The following ITGB3BP variants were observed in gnomAD, a reference collection of about 807,000 sequenced individuals.
The protein encoded by ITGB3BP is integrin subunit beta 3 binding protein.
Under a neutral mutation model 29.1 loss-of-function variants are expected in ITGB3BP, and 27 were observed. The ratio of observed to expected loss-of-function variants is 0.93; its 90% CI spans 0.68 to 1.28. ITGB3BP has a LOEUF of 1.28. Ranked by LOEUF, ITGB3BP falls within the 50% of genes most tolerant of loss-of-function variation. The pLI is 0.00. For synonymous variants in ITGB3BP, 61 were observed against 61.4 expected, an observed-to-expected ratio of 0.99 and a Z score of 0.03; for missense variants, 192 against 200.2, an observed-to-expected ratio of 0.96 and a Z score of 0.25.
At chr1:63,473,523 G>C (rs1645254456) in intron 4 of ITGB3BP, among the ~76,000 whole-genome samples, 1 of 109,734 alleles carries the variant, frequency 9.1e-6, no homozygotes, top group Non-Finnish European at 2.0e-5. Flanking sequence ...GAGGGAGGTG[G>C]GGGGTCAGCC....
intron 1 of ITGB3BP, among the ~76,000 whole-genome samples, chr1:63,509,440 T>TA (rs1226989889): frequency 3.3e-5 from 5 of 152,182 alleles, no homozygotes; most frequent in African/African-American, 9.6e-5. Flanking sequence ...ATTAAAATAT[T>TA]AAAGAATTAG....
chr1:63,517,766 G>A (rs1032620952), intron 1 of ITGB3BP, among the ~76,000 whole-genome samples: 2 of 152,080 alleles, frequency 1.3e-5, no homozygotes, highest in African/African-American at 2.4e-5. Context: ...GGTCATCCAG[G>A]CTGGAATGCA....
At chr1:63,524,958 T>C (rs1224054219), upstream of ITGB3BP, among the ~76,000 whole-genome samples, 4 of 152,182 alleles carry the variant, frequency 2.6e-5, no homozygotes, top group East Asian at 7.7e-4. Context: ...AATAAGACTT[T>C]TAAAATATAG....
chr1:63,486,310 T>C (rs1645529006), intron 3 of ITGB3BP, among the ~76,000 whole-genome samples: 3 of 151,978 alleles, frequency 2.0e-5, no homozygotes, highest in Admixed American at 6.6e-5. Context: ...CTAAAATGCA[T>C]ACAACTGACC....
At chr1:63,467,546 T>C (rs1454123939) in intron 4 of ITGB3BP, among the ~76,000 whole-genome samples, 4 of 147,498 alleles carry the variant, frequency 2.7e-5, no homozygotes, top group Middle Eastern at 3.6e-3. Flanking sequence ...GATTGATTGA[T>C]TGAATGTAGA....
chr1:63,503,389 T>C (rs1187483299), intron 2 of ITGB3BP, among the ~76,000 whole-genome samples: 3 of 151,950 alleles, frequency 2.0e-5, no homozygotes, highest in Non-Finnish European at 4.4e-5. Context: ...TTGTTTGAGT[T>C]CATTGTAGAT....
chr1:63,441,533 G>A (rs772014415), intron 8 of ITGB3BP, among the ~76,000 whole-genome samples: 1 of 152,130 alleles, frequency 6.6e-6, no homozygotes, highest in Non-Finnish European at 1.5e-5. Context: ...ACTGTGCCCG[G>A]CCTTATTTGC....
At chr1:63,497,451 A>G (rs1291481607) in intron 2 of ITGB3BP, among the ~76,000 whole-genome samples, 1 of 152,198 alleles carries the variant, frequency 6.6e-6, no homozygotes, top group Non-Finnish European at 1.5e-5. Flanking sequence ...CATAGTAGCT[A>G]AAGAGAAAGG....
At chr1:63,504,770 A>G (rs1235421685) in intron 2 of ITGB3BP, among the ~76,000 whole-genome samples, 1 of 152,020 alleles carries the variant, frequency 6.6e-6, no homozygotes, top group Non-Finnish European at 1.5e-5. Flanking sequence ...TGAGATAATC[A>G]TGTGGTTTTT....
chr1:63,444,266 T>C (rs1644761986), intron 8 of ITGB3BP, among the ~76,000 whole-genome samples: 1 of 152,060 alleles, frequency 6.6e-6, no homozygotes, highest in Non-Finnish European at 1.5e-5. Flanking sequence ...TTACAGAGAT[T>C]ATCAAACACT....
chr1:63,511,482 A>C lies in ITGB3BP; in HGVS notation c.6-2912T>G, dbSNP rs187995247. Among the ~76,000 whole-genome samples, 6 of 152,272 alleles carry C rather than the reference A, an allele frequency of 3.9e-5. No individual in the cohort carries two copies. The East Asian group carries it at 1.2e-3, about 29-fold the overall frequency. ...CTGGGACACAAACAGATATTTGTAC[A>C]CCAATGTTCACAGCAGCATTGCTCA... On this transcript the variant is annotated intron_variant, in intron 1 of 8. Coordinates refer to ENST00000271002, the MANE Select transcript of ITGB3BP (RefSeq NM_014288.5).
At chr1:63,458,245 C>G (rs1644963781) in intron 4 of ITGB3BP, 1 of 152,060 alleles carries the variant, frequency 6.6e-6, no homozygotes, top group Non-Finnish European at 1.5e-5. Flanking sequence ...TCATTCTGTA[C>G]CAGTTCTGGG....
intron 1 of ITGB3BP, among the ~76,000 whole-genome samples, chr1:63,509,851 T>G (rs1007198224): frequency 1.3e-5 from 2 of 152,322 alleles, no homozygotes; most frequent in South Asian, 2.1e-4. Flanking sequence ...GGAATACATA[T>G]TGCCCTATTT....
Position 63,510,873 on chromosome 1 carries a change from C to T in ITGB3BP, c.6-2303G>A, listed in dbSNP as rs535283386. Among the ~76,000 whole-genome samples the T allele has an allele frequency of 8.6e-5, 13 of 151,898 alleles. 1 individual carries two copies. The highest frequency in any genetic ancestry group is 4.2e-4 in the South Asian group (2 of 4,806). Reference sequence around the variant, plus strand: ...CAACCACTCTTTTACAACACAATGACGAGAATATACTAAATTGATTACTTT... The same window carrying T: ...CAACCACTCTTTTACAACACAATGATGAGAATATACTAAATTGATTACTTT... On this transcript the variant is annotated intron_variant, in intron 1 of 8. Coordinates refer to ENST00000271002, the MANE Select transcript of ITGB3BP (RefSeq NM_014288.5).
intron 2 of ITGB3BP, among the ~76,000 whole-genome samples, chr1:63,498,427 A>G (rs568226269): frequency 5.7e-4 from 86 of 152,172 alleles, no homozygotes; most frequent in Non-Finnish European, 9.3e-4. Context: ...AAATACACAA[A>G]TATGTGTAAA....
chr1:63,449,573 G>C (rs1236224099), intron 7 of ITGB3BP: 1 of 152,470 alleles, frequency 6.6e-6, no homozygotes, highest in Admixed American at 6.6e-5. Context: ...TAAAACAAGA[G>C]CATTAACATT....
chr1:63,504,742 G>A (rs906777497), intron 2 of ITGB3BP, among the ~76,000 whole-genome samples: 4 of 152,114 alleles, frequency 2.6e-5, no homozygotes, highest in African/African-American at 9.7e-5. Flanking sequence ...TTTTGTCAAA[G>A]GCCTTTTCCA....
At chr1:63,444,457 T>TAAGA (rs1459767699) in intron 8 of ITGB3BP, among the ~76,000 whole-genome samples, 1 of 10,262 alleles carries the variant, frequency 9.7e-5, no homozygotes, top group Non-Finnish European at 1.4e-4. Context: ...TATATATATA[T>TAAGA]TACATATAGG....
intron 2 of ITGB3BP, among the ~76,000 whole-genome samples, chr1:63,495,214 A>T (rs1487433169): frequency 6.6e-6 from 1 of 152,172 alleles, no homozygotes; most frequent in Non-Finnish European, 1.5e-5. Flanking sequence ...ATATGAAGTG[A>T]ATTTTTTTCT....
Sources: gnomAD v4.1 joint callset for allele counts (sites outside exome capture counted in the v4.1 genomes callset) on GRCh38, gnomAD v4.1.1 for gene constraint, MANE v1.5 for transcripts, NCBI Gene and HGNC (gene_info 2026-07-23, HGNC 2026-07-21) for gene names.